The following CNIH3 variants were observed in gnomAD, a reference collection of about 807,000 sequenced individuals.
CNIH3 encodes protein cornichon homolog 3.
A neutral mutation model predicts 24.1 loss-of-function variants in CNIH3; 14 were observed. That is an observed-to-expected ratio of 0.58 (90% CI 0.38 to 0.91). CNIH3 has a LOEUF of 0.91. CNIH3 is among the 40% of genes least tolerant of loss of function. CNIH3 has a pLI of 0.00. For missense variants in CNIH3, 178 were observed against 196.8 expected (o/e 0.90, Z 0.57); for synonymous variants, 68 against 73.8 (o/e 0.92, Z 0.40).
chr1:224,493,399 G>A (rs1162407854), intron 1 of CNIH3, among the ~76,000 whole-genome samples: 5 of 152,240 alleles, frequency 3.3e-5, no homozygotes, highest in African/African-American at 1.2e-4. Flanking sequence ...TGTGTTAATA[G>A]GTGTGTTTAT....
chr1:224,506,009 C>A (rs563478785), intron 1 of CNIH3, among the ~76,000 whole-genome samples: 1 of 152,268 alleles, frequency 6.6e-6, no homozygotes, highest in African/African-American at 2.4e-5. Context: ...AAGTATACTC[C>A]CTCCCCTGCT....
intron 1 of CNIH3, among the ~76,000 whole-genome samples, chr1:224,496,105 G>T (rs1481988319): frequency 1.3e-5 from 2 of 152,194 alleles, no homozygotes; most frequent in Admixed American, 6.5e-5. Context: ...CGAGTCTGTT[G>T]TCTCAGCCTC....
intron 3 of CNIH3, chr1:224,717,635 C>T (rs1394793611): frequency 4.6e-5 from 7 of 152,200 alleles, no homozygotes; most frequent in Admixed American, 4.6e-4. Context: ...GTTTATCTCT[C>T]CCGATCTATT....
At chr1:224,561,177 T>C (rs1460929652) in intron 3 of CNIH3, among the ~76,000 whole-genome samples, 1 of 152,182 alleles carries the variant, frequency 6.6e-6, no homozygotes, top group Middle Eastern at 3.2e-3. Context: ...CCACTTTTGT[T>C]TGTCTTTTCA....
At chr1:224,669,260 G>A (rs1445992965) in intron 1 of CNIH3, among the ~76,000 whole-genome samples, 5 of 152,262 alleles carry the variant, frequency 3.3e-5, no homozygotes, top group East Asian at 1.9e-4. Context: ...GGGAACCAGG[G>A]AAGCTATGTC....
At chr1:224,560,632 C>T (rs1018575316) in intron 3 of CNIH3, among the ~76,000 whole-genome samples, 8 of 151,778 alleles carry the variant, frequency 5.3e-5, no homozygotes, top group African/African-American at 1.9e-4. Context: ...AGGTTACATG[C>T]TCCTTATGAA....
At chr1:224,560,281 T>C (rs1443407642) in intron 3 of CNIH3, among the ~76,000 whole-genome samples, 1 of 152,220 alleles carries the variant, frequency 6.6e-6, no homozygotes, top group East Asian at 1.9e-4. Context: ...TGAGCAATAT[T>C]GAGTGGTAGA....
intron 1 of CNIH3, chr1:224,435,106 G>C: frequency 1.0e-6 from 1 of 985,772 alleles, no homozygotes; most frequent in Non-Finnish European, 1.2e-6. Flanking sequence ...GGCAGAGTTG[G>C]CGTGCGTGCG....
At chr1:224,720,033 G>A (rs1455962239) in intron 3 of CNIH3, among the ~76,000 whole-genome samples, 1 of 152,106 alleles carries the variant, frequency 6.6e-6, no homozygotes, top group Non-Finnish European at 1.5e-5. Context: ...AGGGCTCTGG[G>A]TCAGGACGTT....
intron 1 of CNIH3, among the ~76,000 whole-genome samples, chr1:224,629,923 G>T (rs1339786113): frequency 6.6e-6 from 1 of 152,120 alleles, no homozygotes; most frequent in Non-Finnish European, 1.5e-5. Flanking sequence ...GAACAAAATA[G>T]TTATAAAATC....
At chr1:224,498,873 T>TA (rs1295328717) in intron 1 of CNIH3, among the ~76,000 whole-genome samples, 1 of 152,192 alleles carries the variant, frequency 6.6e-6, no homozygotes, top group Non-Finnish European at 1.5e-5. Context: ...TCAAGACACT[T>TA]ACATTGCTCT....
chr1:224,581,066 A>C (rs1224939987), intron 4 of CNIH3, among the ~76,000 whole-genome samples: 1 of 152,190 alleles, frequency 6.6e-6, no homozygotes, highest in Non-Finnish European at 1.5e-5. Context: ...GTTTAGGAAC[A>C]AAAGAAAATG....
intron 1 of CNIH3, among the ~76,000 whole-genome samples, chr1:224,470,597 G>T (rs1198806354): frequency 6.6e-6 from 1 of 152,254 alleles, no homozygotes; most frequent in Middle Eastern, 3.4e-3. Flanking sequence ...TGGGATTACA[G>T]GTGTGAGCCA....
At chr1:224,667,764 A>C (rs978814699) in intron 1 of CNIH3, among the ~76,000 whole-genome samples, 9 of 149,372 alleles carry the variant, frequency 6.0e-5, no homozygotes, top group South Asian at 2.1e-4. Context: ...AAAAAAAAAA[A>C]AAACCCATGA....
downstream of CNIH3, among the ~76,000 whole-genome samples, chr1:224,537,941 A>G (rs1447988859): frequency 1.3e-5 from 2 of 151,706 alleles, no homozygotes; most frequent in Non-Finnish European, 2.9e-5. Context: ...TGGAAATCAG[A>G]CACATTATTA....
At chr1:224,638,723 A>T (rs1024832145) in intron 1 of CNIH3, among the ~76,000 whole-genome samples, 1 of 152,216 alleles carries the variant, frequency 6.6e-6, no homozygotes, top group Admixed American at 6.5e-5. Flanking sequence ...TTCAGGAAGC[A>T]CTGGCCACGG....
chr1:224,723,105 A>G (rs1688820742), intron 3 of CNIH3, among the ~76,000 whole-genome samples: 3 of 152,286 alleles, frequency 2.0e-5, no homozygotes. Flanking sequence ...GTCAGGCTGG[A>G]AGCTGGTCCC....
At chr1:224,504,384 A>G (rs1448473787) in intron 1 of CNIH3, among the ~76,000 whole-genome samples, 1 of 152,230 alleles carries the variant, frequency 6.6e-6, no homozygotes, top group African/African-American at 2.4e-5. Flanking sequence ...AATGTAGGAC[A>G]TTATTCTTAT....
intron 1 of CNIH3, among the ~76,000 whole-genome samples, chr1:224,500,983 T>G (rs990113408): frequency 4.6e-5 from 7 of 152,240 alleles, no homozygotes; most frequent in Non-Finnish European, 7.3e-5. Flanking sequence ...CTTCTGCCAC[T>G]TCCTGGAACC....
Sources: gnomAD v4.1 joint callset for allele counts (sites outside exome capture counted in the v4.1 genomes callset) on GRCh38, gnomAD v4.1.1 for gene constraint, MANE v1.5 for transcripts, NCBI Gene and HGNC (gene_info 2026-07-23, HGNC 2026-07-21) for gene names.